Variants in LINGO2 observed in about 807,000 individuals in gnomAD.
LINGO2 encodes the protein leucine-rich repeat and immunoglobulin-like domain-containing nogo receptor-interacting protein 2.
In LINGO2, 14 loss-of-function variants were observed where a neutral mutation model predicts 30.6. The ratio of observed to expected loss-of-function variants is 0.46; its 90% CI spans 0.30 to 0.72. LINGO2 has a LOEUF of 0.72. Among genes scored for constraint, LINGO2 ranks in the 30% least tolerant of loss-of-function variants. LINGO2 has a pLI of 0.07. For missense variants in LINGO2, 729 were observed against 751.7 expected, an observed-to-expected ratio of 0.97 and a Z score of 0.35; for synonymous variants, 317 against 288.5, an observed-to-expected ratio of 1.10 and a Z score of -1.00.
intron 3 of LINGO2, among the ~76,000 whole-genome samples, chr9:28,363,111 T>C (rs1013243938): frequency 6.6e-6 from 1 of 152,168 alleles, no homozygotes; most frequent in Non-Finnish European, 1.5e-5. Context: ...CCCCTCAGGA[T>C]GCATCCTCCA....
chr9:28,883,052 A>C, the LINGO2 span, among the ~76,000 whole-genome samples: 2 of 152,190 alleles, frequency 1.3e-5, no homozygotes, highest in African/African-American at 4.8e-5. Flanking sequence ...CCAAGTCCTT[A>C]GAATAAAAAC....
the LINGO2 span, among the ~76,000 whole-genome samples, chr9:28,904,940 G>T: frequency 1.4e-4 from 22 of 151,920 alleles, no homozygotes; most frequent in African/African-American, 5.3e-4. Context: ...ACTGACCAAG[G>T]AAACACAACA....
At chr9:28,669,315 C>A (rs961447526) in intron 1 of LINGO2, among the ~76,000 whole-genome samples, 9 of 151,800 alleles carry the variant, frequency 5.9e-5, no homozygotes, top group Admixed American at 5.9e-4. Context: ...TCTTTTTTTT[C>A]AGAAGAAAAT....
intron 2 of LINGO2, among the ~76,000 whole-genome samples, chr9:28,400,560 A>G (rs1478615909): frequency 6.6e-6 from 1 of 152,220 alleles, no homozygotes; most frequent in Non-Finnish European, 1.5e-5. Flanking sequence ...AACATGACTA[A>G]GGGATGTAAA....
the LINGO2 span, among the ~76,000 whole-genome samples, chr9:29,132,353 G>C: frequency 6.6e-6 from 1 of 152,236 alleles, no homozygotes; most frequent in Admixed American, 6.5e-5. Context: ...ACACCTTTCT[G>C]TGTAGCAGAT....
the LINGO2 span, among the ~76,000 whole-genome samples, chr9:28,841,963 A>G: frequency 6.6e-6 from 1 of 151,760 alleles, no homozygotes; most frequent in Non-Finnish European, 1.5e-5. Context: ...AGGGCATTCT[A>G]TTGAATCATG....
chr9:28,629,777 G>A (rs1826848494), intron 1 of LINGO2, among the ~76,000 whole-genome samples: 1 of 151,924 alleles, frequency 6.6e-6, no homozygotes, highest in Non-Finnish European at 1.5e-5. Flanking sequence ...GCATATAAAT[G>A]GGTTCAGAAA....
At chr9:29,145,503 A>G in the LINGO2 span, among the ~76,000 whole-genome samples, 1 of 152,034 alleles carries the variant, frequency 6.6e-6, no homozygotes, top group Non-Finnish European at 1.5e-5. Context: ...TCATACTACC[A>G]TGATTTGTAC....
chr9:28,588,086 G>A (rs1824658080), intron 1 of LINGO2, among the ~76,000 whole-genome samples: 1 of 151,910 alleles, frequency 6.6e-6, no homozygotes, highest in Non-Finnish European at 1.5e-5. Flanking sequence ...CAAATCCGGA[G>A]GAAAGAATCA....
chr9:28,397,456 T>G (rs923689202), intron 2 of LINGO2, among the ~76,000 whole-genome samples: 3 of 150,376 alleles, frequency 2.0e-5, no homozygotes, highest in Admixed American at 6.7e-5. Context: ...ATCATTTTTA[T>G]GGTGAGAATA....
the LINGO2 span, among the ~76,000 whole-genome samples, chr9:28,760,152 C>T: frequency 1.3e-5 from 2 of 151,968 alleles, no homozygotes; most frequent in South Asian, 4.1e-4. Context: ...AGATACTGAG[C>T]ATAGATGAAA....
chr9:28,465,793 G>T (rs1471635383), intron 2 of LINGO2, among the ~76,000 whole-genome samples: 3 of 152,016 alleles, frequency 2.0e-5, no homozygotes, highest in Admixed American at 6.6e-5. Context: ...GTCAAAAATG[G>T]GTTAAAGATC....
intron 5 of LINGO2, among the ~76,000 whole-genome samples, chr9:28,005,849 T>C (rs1822240118): frequency 6.6e-6 from 1 of 152,014 alleles, no homozygotes; most frequent in African/African-American, 2.4e-5. Context: ...CAAAAATGCA[T>C]AGATGGCCTT....
intron 4 of LINGO2, among the ~76,000 whole-genome samples, chr9:28,205,548 G>A (rs551023468): frequency 4.6e-5 from 7 of 152,230 alleles, no homozygotes; most frequent in African/African-American, 1.7e-4. Flanking sequence ...TAACTGTGGG[G>A]AGACAACAGC....
the LINGO2 span, among the ~76,000 whole-genome samples, chr9:28,742,271 T>TC: frequency 1.0e-4 from 2 of 19,442 alleles, no homozygotes; most frequent in South Asian, 3.9e-3. Context: ...ACTCTGCCTT[T>TC]TTTTTTTTTT....
chr9:28,148,951 C>G lies in LINGO2; in HGVS notation c.-86-136546G>C, dbSNP rs757327362. 3.9e-6 allele frequency: 6 copies of G among 1,533,940 alleles called. No individual in the cohort carries two copies. The highest frequency in any genetic ancestry group is 1.4e-5 in the African/African-American group (1 of 72,988). On this transcript the variant is annotated intron_variant, in intron 4 of 5. Coordinates refer to ENST00000379992, the Ensembl canonical transcript of LINGO2. This position sits in a 1 kb window ranked among gnomAD's most constrained non-coding sequence, Gnocchi z 5.1. ...CACACAGAGCTGCCGGCCACAGTTC[C>G]CACAAAAGAAAACTGTCGGGGCCAC...
At position 28,633,406 on chromosome 9, in the gene LINGO2, T is replaced by G. The variant is rs886350934; in HGVS notation, c.-365+36794A>C. On this transcript the variant is annotated intron_variant, in intron 1 of 5. Transcript: ENST00000379992. ...GTAAAGCCCTAGCTCCAGATATATG[T>G]GGTGTGCTGAATAAATTTCCAAAAA... is the stretch of plus-strand genomic sequence containing the variant. 2.0e-5 allele frequency among the ~76,000 whole-genome samples: 3 copies of G among 152,082 alleles called. No homozygotes were observed. In the South Asian group the frequency reaches 6.2e-4, roughly 32 times the overall value.
the LINGO2 span, among the ~76,000 whole-genome samples, chr9:28,949,358 T>C: frequency 2.0e-5 from 3 of 151,498 alleles, no homozygotes; most frequent in Non-Finnish European, 4.4e-5. Context: ...ATAGAACATA[T>C]GTAGCCAGAC....
intron 4 of LINGO2, among the ~76,000 whole-genome samples, chr9:28,293,068 G>A (rs1286610632): frequency 2.0e-5 from 3 of 151,700 alleles, no homozygotes; most frequent in Admixed American, 6.6e-5. Flanking sequence ...CACCGCACCC[G>A]GCTGGCCCTG....
Sources: gnomAD v4.1 joint callset for allele counts (sites outside exome capture counted in the v4.1 genomes callset) on GRCh38, gnomAD v4.1.1 for gene constraint, Gnocchi (gnomAD v3.1) non-coding constraint, MANE v1.5 for transcripts, NCBI Gene and HGNC (gene_info 2026-07-23, HGNC 2026-07-21) for gene names.